The following FAM178B variants were observed in gnomAD, a reference collection of about 807,000 sequenced individuals.
The protein encoded by FAM178B is protein FAM178B.
Under a neutral mutation model 91.7 loss-of-function variants are expected in FAM178B, and 82 were observed. That is an observed-to-expected ratio of 0.89 (90% CI 0.75 to 1.07). FAM178B has a LOEUF of 1.07. FAM178B is among the 50% of genes least tolerant of loss of function. The probability of loss-of-function intolerance (pLI) is 0.00; values close to 1 mark genes in which losing one functional copy is unlikely to be tolerated. For synonymous variants in FAM178B, 368 were observed against 359.4 expected, an observed-to-expected ratio of 1.02 and a Z score of -0.27; for missense variants, 769 against 846.7, an observed-to-expected ratio of 0.91 and a Z score of 1.14.
chr2:96,880,726 C>T (rs942993340), intron 14 of FAM178B, among the ~76,000 whole-genome samples: 9 of 152,190 alleles, frequency 5.9e-5, no homozygotes, highest in Non-Finnish European at 8.8e-5. Flanking sequence ...TCTGGAATAG[C>T]TGGGACTACA....
At position 96,972,129 on chromosome 2, in the gene FAM178B, G is replaced by A. The variant is rs1427076300; in HGVS notation, c.336C>T (p.Pro112=). The A allele has an allele frequency of 3.9e-6, 6 of 1,530,172 alleles. No individual in the cohort carries two copies. The highest frequency in any genetic ancestry group is 5.3e-6 in the Non-Finnish European group (6 of 1,136,710). 94.8% of individuals were successfully genotyped at this position (1,530,172 alleles called of 1,614,324 possible). Residue 112 remains proline (P), a synonymous_variant, in exon 3 of 17, where the codon CCC becomes CCT. Transcript: ENST00000490605. Reference sequence around the variant, plus strand: ...TCGGGTTGAGGAATTCCACGGGCGGGGGGCTCCAGTCAGTGGGAAACGTTT... The same window carrying A: ...TCGGGTTGAGGAATTCCACGGGCGGAGGGCTCCAGTCAGTGGGAAACGTTT... ...PGETFPTDWS[P]PPVEFLNPRV...
chr2:96,897,527 C>T (rs1011419917), intron 13 of FAM178B, among the ~76,000 whole-genome samples: 4 of 152,236 alleles, frequency 2.6e-5, no homozygotes, highest in African/African-American at 7.2e-5. Flanking sequence ...CCTGCTCCAG[C>T]TGCGTCTTGC....
chr2:96,901,979 G>A (rs144133337), intron 13 of FAM178B, among the ~76,000 whole-genome samples: 3 of 151,994 alleles, frequency 2.0e-5, no homozygotes, highest in African/African-American at 7.3e-5. Context: ...TGTATTTTTA[G>A]TAGAGACAAG....
At chr2:96,961,340 T>TAC (rs1553508272) in intron 5 of FAM178B, among the ~76,000 whole-genome samples, 5 of 147,588 alleles carry the variant, frequency 3.4e-5, no homozygotes, top group African/African-American at 1.2e-4. Flanking sequence ...TGTGTGTGTG[T>TAC]ACACACACAC....
chr2:96,895,867 A>G (rs2080812642), intron 13 of FAM178B, among the ~76,000 whole-genome samples: 1 of 152,118 alleles, frequency 6.6e-6, no homozygotes, highest in Non-Finnish European at 1.5e-5. Context: ...ATGGGCTGAG[A>G]CAGCCCACAA....
At chr2:96,924,900 C>G (rs1169658923) in intron 9 of FAM178B, among the ~76,000 whole-genome samples, 1 of 152,044 alleles carries the variant, frequency 6.6e-6, no homozygotes, top group African/African-American at 2.4e-5. Context: ...CTCTGCTTGG[C>G]ACTGGCGCTG....
chr2:96,978,860 C>A (rs547666080), intron 1 of FAM178B, among the ~76,000 whole-genome samples: 1 of 151,692 alleles, frequency 6.6e-6, no homozygotes, highest in East Asian at 1.9e-4. Context: ...CTCCTGACCT[C>A]GTGATCCGCC....
intron 6 of FAM178B, among the ~76,000 whole-genome samples, chr2:96,958,285 T>C (rs958629730): frequency 6.6e-6 from 1 of 152,152 alleles, no homozygotes; most frequent in Admixed American, 6.5e-5. Flanking sequence ...TTAGCCAGGA[T>C]GGTCTCGATC....
chr2:96,879,781 G>T (rs1191861778), intron 14 of FAM178B, among the ~76,000 whole-genome samples: 1 of 152,206 alleles, frequency 6.6e-6, no homozygotes, highest in Non-Finnish European at 1.5e-5. Context: ...CTGGGGTGGG[G>T]AAGACCCAAC....
chr2:96,885,509 G>C (rs550355467), intron 14 of FAM178B, among the ~76,000 whole-genome samples: 2 of 152,250 alleles, frequency 1.3e-5, no homozygotes, highest in African/African-American at 2.4e-5. Flanking sequence ...AGGCCATGGC[G>C]CATGGGGCTG....
chr2:96,884,613 A>C (rs184944794), intron 14 of FAM178B, among the ~76,000 whole-genome samples: 17 of 152,326 alleles, frequency 1.1e-4, no homozygotes, highest in African/African-American at 2.4e-4. Context: ...TCCACAGGAC[A>C]CCAGGCGAAA....
intron 8 of FAM178B, among the ~76,000 whole-genome samples, chr2:96,938,224 C>T (rs1194181915): frequency 6.6e-6 from 1 of 152,196 alleles, no homozygotes; most frequent in African/African-American, 2.4e-5. Context: ...TCAGCCCCAG[C>T]TCCACATAAA....
At chr2:96,954,240 C>T (rs984397043) in intron 6 of FAM178B, among the ~76,000 whole-genome samples, 9 of 152,216 alleles carry the variant, frequency 5.9e-5, no homozygotes, top group African/African-American at 2.2e-4. Flanking sequence ...AGGGAGGTTC[C>T]CATCGGAGTC....
chr2:96,889,058 CG>C (rs1559051975), intron 14 of FAM178B, among the ~76,000 whole-genome samples: 2 of 152,166 alleles, frequency 1.3e-5, no homozygotes, highest in African/African-American at 2.4e-5. Context: ...GTGGTGCCCC[CG>C]CAGGGACCAT....
intron 8 of FAM178B, among the ~76,000 whole-genome samples, chr2:96,932,173 C>T (rs2081551204): frequency 6.6e-6 from 1 of 152,144 alleles, no homozygotes; most frequent in African/African-American, 2.4e-5. Flanking sequence ...CCCTTGAGAT[C>T]CCCACCCCAG....
In FAM178B at chr2:96,969,957, A is replaced by G. The variant is rs376905924; in HGVS notation, c.626+759T>C. On this transcript the variant is annotated intron_variant, in intron 4 of 16. Transcript: ENST00000490605. Reference sequence around the variant, plus strand: ...GGAGAGCTGGGTGTTCCAGGGTGGCATCGCCCCCGCCCACACTTAACTTCT... The same window carrying G: ...GGAGAGCTGGGTGTTCCAGGGTGGCGTCGCCCCCGCCCACACTTAACTTCT... 2.6e-5 allele frequency among the ~76,000 whole-genome samples: 4 copies of G among 152,368 alleles called. No homozygotes were observed. In the East Asian group the frequency reaches 7.7e-4, roughly 29 times the overall value.
At chr2:96,905,665 G>A (rs549050799) in intron 12 of FAM178B, among the ~76,000 whole-genome samples, 12 of 149,482 alleles carry the variant, frequency 8.0e-5, no homozygotes, top group Admixed American at 4.7e-4. Context: ...AGTCGGGTGC[G>A]GTGGCTCATG....
At chr2:96,959,786 T>C (rs2153374674) in intron 6 of FAM178B, among the ~76,000 whole-genome samples, 1 of 152,352 alleles carries the variant, frequency 6.6e-6, no homozygotes, top group East Asian at 1.9e-4. Context: ...TACGTGATAA[T>C]GATCATGCAT....
At chr2:96,968,195 G>C (rs1286061335) in intron 4 of FAM178B, among the ~76,000 whole-genome samples, 1 of 151,880 alleles carries the variant, frequency 6.6e-6, no homozygotes, top group Non-Finnish European at 1.5e-5. Context: ...CACGTGCATG[G>C]CCTGACTCTG....
Sources: allele counts gnomAD v4.1 joint callset (sites outside exome capture counted in the v4.1 genomes callset), GRCh38; gene constraint gnomAD v4.1.1; transcripts MANE v1.5; gene names NCBI Gene and HGNC (gene_info 2026-07-23, HGNC 2026-07-21).